The following IER2 variants were observed in gnomAD, a reference collection of about 807,000 sequenced individuals.
IER2 encodes the protein immediate early response gene 2 protein.
For synonymous variants in IER2, 198 were observed against 149.6 expected (o/e 1.32, Z -2.36); for missense variants, 372 against 325.4 (o/e 1.14, Z -1.10).
rs2145649376 is a variant in IER2, at chr19:13,154,668, G to C, written c.*810G>C. ...ACACACGGACACAATCAGCCGAGAA[G>C]TTCCTGGTCTGAATCACGAGAATGT... is the stretch of plus-strand genomic sequence containing the variant. On this transcript the variant is annotated 3_prime_UTR_variant, in exon 2 of 2. Coordinates refer to ENST00000292433, the MANE Select transcript of IER2 (RefSeq NM_004907.3). 6.0e-6 allele frequency: 1 copy of C among 167,390 alleles called. No individual in the cohort carries two copies. Among genetic ancestry groups the C allele is most frequent in the African/African-American group, 2.4e-5 (1 of 41,532 alleles). 10.4% of individuals were successfully genotyped at this position (167,390 alleles called of 1,614,324 possible). A position where few individuals can be genotyped will look rare whatever the true frequency, so the allele number is the denominator to read the frequency against.
rs997025084 is a variant in IER2 at position 13,150,709 on chromosome 19, G to T, written c.-244+157G>T. ...CGAGTGTCAGGTTTGGCTAGGGTCT[G>T]GGGGAGAGGTGGTCCTCCCTTCTCC... On this transcript the variant is annotated intron_variant, in intron 1 of 1. Transcript: ENST00000292433. The surrounding 1 kb of genome is among the most constrained non-coding windows in gnomAD (Gnocchi z 4.0). Among the ~76,000 whole-genome samples the T allele has an allele frequency of 2.0e-5, 3 of 152,186 alleles. No homozygotes were observed. The highest frequency in any genetic ancestry group is 7.2e-5 in the African/African-American group (3 of 41,454).
rs2020082150 is a variant in IER2 at position 13,152,931 on chromosome 19, C to G, written c.-243-13C>G. The G allele has an allele frequency of 3.0e-6, 1 of 334,592 alleles. No homozygotes were observed. Among genetic ancestry groups the G allele is most frequent in the African/African-American group, 2.1e-5 (1 of 47,152 alleles). 20.7% of individuals were successfully genotyped at this position (334,592 alleles called of 1,614,324 possible). Reference sequence around the variant, plus strand: ...CTTTCCCTGCTGGGTAAATCGCATTCTGTCTCTTTAAGGAGTGTTTGGCCG... The same window carrying G: ...CTTTCCCTGCTGGGTAAATCGCATTGTGTCTCTTTAAGGAGTGTTTGGCCG... On this transcript the variant is annotated splice_polypyrimidine_tract_variant and intron_variant, in intron 1 of 1. Transcript: ENST00000292433.
In IER2 at chr19:13,153,118, G is replaced by T; in HGVS notation, c.-69G>T. 8.2e-7 allele frequency: 1 copy of T among 1,219,578 alleles called. No individual in the cohort carries two copies. The highest frequency in any genetic ancestry group is 2.7e-5 in the East Asian group (1 of 37,188). The allele number at this position is 1,219,578 out of a possible 1,614,324, so 75.5% of individuals were successfully genotyped here. Reference sequence around the variant, plus strand: ...GTAGAGAGGCGTGAGCGAGCCCGTTGTCCGGAGTGCACCTGCTGCCTGTTC... The same window carrying T: ...GTAGAGAGGCGTGAGCGAGCCCGTTTTCCGGAGTGCACCTGCTGCCTGTTC... On this transcript the variant is annotated 5_prime_UTR_variant, in exon 2 of 2. Transcript: ENST00000292433.
At position 13,153,558 on chromosome 19, in the gene IER2, C is replaced by G. The variant is rs922397762; in HGVS notation, c.372C>G (p.Ser124Arg). The stretch of plus-strand genomic sequence containing the variant: ...CCAAAGTCAGCCGCAAACGACGCAG[C>G]AGCAGCCTGAGCGACGGCGGGGACG... ...RPAKVSRKRR[S>R]SSLSDGGDAG... The change falls in exon 2 of 2, where the codon AGC (serine) becomes AGG (arginine). Residue 124 changes from serine (S) to arginine (R), a missense_variant. By Grantham distance (110) the Ser-to-Arg change is moderately radical (BLOSUM62 -1). Transcript: ENST00000292433. 4 of 1,595,390 alleles carry G rather than the reference C, an allele frequency of 2.5e-6. No individual in the cohort carries two copies. In the East Asian group the frequency reaches 6.9e-5, roughly 27 times the overall value.
intron 1 of IER2, chr19:13,151,930 G>C (rs950222054): frequency 6.6e-6 from 1 of 152,352 alleles, no homozygotes; most frequent in Admixed American, 6.5e-5. Context: ...GGAAGTCAGC[G>C]GGCGCTGGTG....
intron 1 of IER2, among the ~76,000 whole-genome samples, chr19:13,151,002 G>A (rs905837465): frequency 3.3e-5 from 5 of 152,134 alleles, no homozygotes; most frequent in African/African-American, 1.2e-4. Flanking sequence ...TCTCCAGGGG[G>A]GCCCTCTGTG....
rs1055214736 is a variant in IER2 at position 13,153,989 on chromosome 19, G to C, written c.*131G>C. 6.7e-5 allele frequency: 52 copies of C among 777,510 alleles called. No homozygotes were observed. Among genetic ancestry groups the C allele is most frequent in the South Asian group, 9.5e-5 (4 of 42,260 alleles). 48.2% of individuals were successfully genotyped at this position (777,510 alleles called of 1,614,324 possible). On this transcript the variant is annotated 3_prime_UTR_variant, in exon 2 of 2. Coordinates refer to ENST00000292433, the MANE Select transcript of IER2 (RefSeq NM_004907.3). The stretch of plus-strand genomic sequence containing the variant: ...GCGAAAACCGTGGAGAGAAGCCGCC[G>C]CCCGGGCTGCTGAGAGGCCCGGAGA...
At position 13,150,792 on chromosome 19, in the gene IER2, C is replaced by T. The variant is rs2020045247; in HGVS notation, c.-244+240C>T. Among the ~76,000 whole-genome samples the T allele has an allele frequency of 6.6e-6, 1 of 152,174 alleles. No individual in the cohort carries two copies. Among genetic ancestry groups the T allele is most frequent in the Admixed American group, 6.5e-5 (1 of 15,276 alleles). On this transcript the variant is annotated intron_variant, in intron 1 of 1. Coordinates refer to ENST00000292433, the MANE Select transcript of IER2 (RefSeq NM_004907.3). The surrounding 1 kb of genome is among the most constrained non-coding windows in gnomAD (Gnocchi z 4.0). ...CTCCGGGGAGTTCTGCCGCATTCTC[C>T]CAATCTCTTTCCTGAGAAGTGGCGG...
At position 13,153,410 on chromosome 19, in the gene IER2, G is replaced by A. The variant is rs1407478992; in HGVS notation, c.224G>A (p.Arg75Gln). The A allele has an allele frequency of 1.9e-6, 3 of 1,592,074 alleles. No homozygotes were observed. The highest frequency in any genetic ancestry group is 1.3e-5 in the African/African-American group (1 of 74,324). Residue 75 changes from arginine to glutamine, a missense_variant, in exon 2 of 2, where the codon CGA (arginine) becomes CAA (glutamine). Arg to Gln is a conservative substitution (Grantham distance 43, BLOSUM62 1). Transcript: ENST00000292433. ...LPSDPRLHPPREAESTAETAT... is the reference protein window; with the variant it reads ...LPSDPRLHPPQEAESTAETAT... The stretch of plus-strand genomic sequence containing the variant: ...TCTGACCCTCGCCTGCACCCGCCCC[G>A]AGAAGCCGAGTCCACGGCCGAGACA...
At position 13,154,148 on chromosome 19, in the gene IER2, T is replaced by C; in HGVS notation, c.*290T>C. ...GTCTTAGTGGACTGGGACGTGAACC[T>C]TTCGCTCTCCTTCTGGACTGGGAGA... On this transcript the variant is annotated 3_prime_UTR_variant, in exon 2 of 2. Coordinates refer to ENST00000292433, the MANE Select transcript of IER2 (RefSeq NM_004907.3). 2.4e-6 allele frequency: 1 copy of C among 421,746 alleles called. No homozygotes were observed. Among genetic ancestry groups the C allele is most frequent in the Non-Finnish European group, 4.3e-6 (1 of 230,738 alleles). The allele number at this position is 421,746 out of a possible 1,614,324, so 26.1% of individuals were successfully genotyped here.
chr19:13,154,100 A>G lies in IER2; in HGVS notation c.*242A>G. Reference sequence around the variant, plus strand: ...AGCCGGGGGCGCGGGCGCCTTCCGCAGAGACCTGCGCCCACAGGTGCTGTC... The same window carrying G: ...AGCCGGGGGCGCGGGCGCCTTCCGCGGAGACCTGCGCCCACAGGTGCTGTC... On this transcript the variant is annotated 3_prime_UTR_variant, in exon 2 of 2. Transcript: ENST00000292433. The G allele has an allele frequency of 2.1e-6, 1 of 483,200 alleles. No individual in the cohort carries two copies. The highest frequency in any genetic ancestry group is 3.7e-6 in the Non-Finnish European group (1 of 268,310). 29.9% of individuals were successfully genotyped at this position (483,200 alleles called of 1,614,324 possible).
chr19:13,151,710 A>G (rs2020061745), intron 1 of IER2, among the ~76,000 whole-genome samples: 1 of 152,008 alleles, frequency 6.6e-6, no homozygotes, highest in Non-Finnish European at 1.5e-5. Flanking sequence ...CTGGAATGCG[A>G]GTCAGGAAGC....
Position 13,153,270 on chromosome 19 carries a change from G to A in IER2, c.84G>A (p.Leu28=). 6.3e-7 allele frequency: 1 copy of A among 1,597,822 alleles called. No individual in the cohort carries two copies. Among genetic ancestry groups the A allele is most frequent in the South Asian group, 1.1e-5 (1 of 89,328 alleles). Residue 28 remains leucine, a synonymous_variant, in exon 2 of 2, where the codon CTG becomes CTA. Transcript: ENST00000292433. The part of the protein sequence containing the change: ...MYHSRMQRGG[L]RLHRSLQLSL... ...ACTCCCGCATGCAGCGCGGTGGCCT[G>A]CGGCTGCACCGGAGTCTGCAGCTGT...
rs2020099166 is a variant in IER2 at position 13,153,920 on chromosome 19, G to T, written c.*62G>T. The T allele has an allele frequency of 2.2e-6, 3 of 1,342,866 alleles. No individual in the cohort carries two copies. The highest frequency in any genetic ancestry group is 1.9e-6 in the Non-Finnish European group (2 of 1,031,072). 83.2% of individuals were successfully genotyped at this position (1,342,866 alleles called of 1,614,324 possible). ...GTCGAACCGTCGGCCCGAGGGCGCAGACCTGAGGCGAGGCCACCCCCCTCC... is the reference window on the plus strand; with the variant it reads ...GTCGAACCGTCGGCCCGAGGGCGCATACCTGAGGCGAGGCCACCCCCCTCC... On this transcript the variant is annotated 3_prime_UTR_variant, in exon 2 of 2. Coordinates refer to ENST00000292433, the MANE Select transcript of IER2 (RefSeq NM_004907.3).
Position 13,153,201 on chromosome 19 carries a change from A to G in IER2, c.15A>G (p.Lys5=), listed in dbSNP as rs752027374. The change falls in exon 2 of 2, where the codon AAA becomes AAG. Residue 5 remains lysine (K), a synonymous_variant. Transcript: ENST00000292433. ...GTCGAGTCGCCATGGAAGTGCAGAA[A>G]GAGGCACAGCGCATCATGACCCTGT... MEVQ[K]EAQRIMTLSV... 15 of 1,513,248 alleles carry G rather than the reference A, an allele frequency of 9.9e-6. No individual in the cohort carries two copies. The Admixed American group carries it at 2.6e-4, about 27-fold the overall frequency. 93.7% of individuals were successfully genotyped at this position (1,513,248 alleles called of 1,614,324 possible).
Position 13,154,381 on chromosome 19 carries a change from C to T in IER2, c.*523C>T, listed in dbSNP as rs1432183996. 6.0e-6 allele frequency: 1 copy of T among 167,848 alleles called. No individual in the cohort carries two copies. Among genetic ancestry groups the T allele is most frequent in the East Asian group, 1.9e-4 (1 of 5,206 alleles). 10.4% of individuals were successfully genotyped at this position (167,848 alleles called of 1,614,324 possible). A position where few individuals can be genotyped will look rare whatever the true frequency, so the allele number is the denominator to read the frequency against. ...CTTGTATAAGCGGTCATCGTTGCGT[C>T]ATGGGGCAGGCGTGGGGAGCTTCCT... On this transcript the variant is annotated 3_prime_UTR_variant, in exon 2 of 2. Transcript: ENST00000292433.
In IER2 at chr19:13,153,211, C is replaced by T; in HGVS notation, c.25C>T (p.Arg9Cys). 1 of 1,519,366 alleles carries T rather than the reference C, an allele frequency of 6.6e-7. No individual in the cohort carries two copies. The highest frequency in any genetic ancestry group is 8.8e-7 in the Non-Finnish European group (1 of 1,133,554). 94.1% of individuals were successfully genotyped at this position (1,519,366 alleles called of 1,614,324 possible). The change falls in exon 2 of 2, where the codon CGC becomes TGC. Residue 9 changes from arginine to cysteine, a missense_variant. Physicochemically the swap from Arg to Cys is radical, Grantham distance 180. Transcript: ENST00000292433. MEVQKEAQ[R>C]IMTLSVWKMY... ...CATGGAAGTGCAGAAAGAGGCACAGCGCATCATGACCCTGTCGGTGTGGAA... is the reference window on the plus strand; with the variant it reads ...CATGGAAGTGCAGAAAGAGGCACAGTGCATCATGACCCTGTCGGTGTGGAA...
chr19:13,154,133 A>G lies in IER2; in HGVS notation c.*275A>G, dbSNP rs939623811. ...GCGCCCACAGGTGCTGTCTTAGTGG[A>G]CTGGGACGTGAACCTTTCGCTCTCC... On this transcript the variant is annotated 3_prime_UTR_variant, in exon 2 of 2. Transcript: ENST00000292433. The G allele has an allele frequency of 4.0e-5, 18 of 452,292 alleles. No homozygotes were observed. The East Asian group carries it at 6.4e-4, about 16-fold the overall frequency. 28.0% of individuals were successfully genotyped at this position (452,292 alleles called of 1,614,324 possible).
In IER2 at chr19:13,153,863, C is replaced by T. The variant is rs1232772406; in HGVS notation, c.*5C>T. The T allele has an allele frequency of 5.7e-6, 8 of 1,414,044 alleles. No homozygotes were observed. The South Asian group carries it at 9.3e-5, about 16-fold the overall frequency. 87.6% of individuals were successfully genotyped at this position (1,414,044 alleles called of 1,614,324 possible). ...CGGGCCGTGGTGGCCTTCTGAGGAC[C>T]CCGAGCGGCGCTGCCGGAGCCCAGA... On this transcript the variant is annotated 3_prime_UTR_variant, in exon 2 of 2. Coordinates refer to ENST00000292433, the MANE Select transcript of IER2 (RefSeq NM_004907.3).
Sources: gnomAD v4.1 joint callset for allele counts (sites outside exome capture counted in the v4.1 genomes callset) on GRCh38, gnomAD v4.1.1 for gene constraint, Gnocchi (gnomAD v3.1) non-coding constraint, MANE v1.5 for transcripts, NCBI Gene and HGNC (gene_info 2026-07-23, HGNC 2026-07-21) for gene names.